The following WDPCP variants were observed in gnomAD, a reference collection of about 807,000 sequenced individuals.
The protein encoded by WDPCP is WD repeat-containing and planar cell polarity effector protein fritz homolog.
A neutral mutation model predicts 93.1 loss-of-function variants in WDPCP; 71 were observed. The observed-to-expected ratio is 0.76, with a 90% CI of 0.63 to 0.93. The LOEUF (loss-of-function observed/expected upper bound fraction) is 0.93. WDPCP is among the 40% of genes least tolerant of loss of function. WDPCP has a pLI of 0.00. For synonymous variants in WDPCP, 315 were observed against 315.0 expected, an observed-to-expected ratio of 1.00 and a Z score of 0.00; for missense variants, 844 against 887.4, an observed-to-expected ratio of 0.95 and a Z score of 0.62.
intron 2 of WDPCP, among the ~76,000 whole-genome samples, chr2:63,781,356 T>A (rs2103974104): frequency 6.6e-6 from 1 of 152,264 alleles, no homozygotes; most frequent in East Asian, 1.9e-4. Flanking sequence ...GTACCAGAAA[T>A]GTTGAATGGG....
At chr2:63,225,037 G>T (rs1678165698) in intron 14 of WDPCP, among the ~76,000 whole-genome samples, 2 of 149,976 alleles carry the variant, frequency 1.3e-5, no homozygotes, top group South Asian at 4.2e-4. Flanking sequence ...GCTTAATTTT[G>T]CTGTGAACCT....
intron 15 of WDPCP, among the ~76,000 whole-genome samples, chr2:63,163,826 T>G (rs904176319): frequency 6.6e-6 from 1 of 152,202 alleles, no homozygotes; most frequent in African/African-American, 2.4e-5. Flanking sequence ...TCCATTATAT[T>G]GTTTATAGGC....
At chr2:63,264,747 T>A (rs539554294) in intron 13 of WDPCP, among the ~76,000 whole-genome samples, 3 of 152,162 alleles carry the variant, frequency 2.0e-5, no homozygotes, top group Non-Finnish European at 4.4e-5. Context: ...TTTTACAGCA[T>A]CAGCATCCAA....
At chr2:63,678,959 G>A (rs1710457304) in intron 2 of WDPCP, among the ~76,000 whole-genome samples, 1 of 152,234 alleles carries the variant, frequency 6.6e-6, no homozygotes, top group African/African-American at 2.4e-5. Flanking sequence ...TGGCAGAAAT[G>A]ACATCTCTGG....
At chr2:63,694,528 T>A (rs1668937222) in intron 2 of WDPCP, among the ~76,000 whole-genome samples, 2 of 152,128 alleles carry the variant, frequency 1.3e-5, no homozygotes, top group South Asian at 4.1e-4. Flanking sequence ...AGTCACAATT[T>A]AGGAGCCTTT....
rs1025882896 is a variant in WDPCP at position 63,572,640 on chromosome 2, T to C, written c.75+15557A>G. On this transcript the variant is annotated intron_variant, in intron 1 of 17. Transcript: ENST00000272321. ...ATCGCTTGAACCTGGGAGGTGGAGG[T>C]TGCAGTGAGCCCAGATTGCACCACT... Among the ~76,000 whole-genome samples, 7 of 124,098 alleles carry C rather than the reference T, an allele frequency of 5.6e-5. No homozygotes were observed. In the Admixed American group the frequency reaches 7.3e-4, roughly 13 times the overall value. 81.4% of individuals were successfully genotyped at this position (124,098 alleles called of 152,430 possible).
intron 3 of WDPCP, among the ~76,000 whole-genome samples, chr2:63,614,000 C>A (rs1709646425): frequency 1.3e-5 from 2 of 152,156 alleles, no homozygotes; most frequent in African/African-American, 2.4e-5. Flanking sequence ...AGAGCAGCTC[C>A]AAGAGATTAC....
chr2:63,263,815 T>G (rs1363601792), intron 13 of WDPCP, among the ~76,000 whole-genome samples: 1 of 152,214 alleles, frequency 6.6e-6, no homozygotes, highest in Non-Finnish European at 1.5e-5. Flanking sequence ...CTAAATATAC[T>G]GAAGAAATTG....
chr2:63,839,073 G>T, the WDPCP span, among the ~76,000 whole-genome samples: 2 of 152,104 alleles, frequency 1.3e-5, no homozygotes, highest in Non-Finnish European at 2.9e-5. Context: ...TTACTTTTTG[G>T]AGAGTTCTTG....
intron 13 of WDPCP, among the ~76,000 whole-genome samples, chr2:63,275,642 T>C (rs997723078): frequency 6.6e-6 from 1 of 151,888 alleles, no homozygotes; most frequent in South Asian, 2.1e-4. Flanking sequence ...CCATTTGCAA[T>C]GGCCACAAAA....
intron 8 of WDPCP, among the ~76,000 whole-genome samples, chr2:63,435,448 A>G (rs1439628740): frequency 2.0e-5 from 3 of 152,142 alleles, no homozygotes; most frequent in Non-Finnish European, 4.4e-5. Context: ...AAGTCTTCTT[A>G]TTTGAGAGAA....
At chr2:63,678,549 T>C (rs1710452226) in intron 2 of WDPCP, among the ~76,000 whole-genome samples, 1 of 152,214 alleles carries the variant, frequency 6.6e-6, no homozygotes, top group Non-Finnish European at 1.5e-5. Flanking sequence ...ACTAGCTCAC[T>C]AAACATTGAC....
At chr2:63,160,453 T>A (rs1672566388) in intron 15 of WDPCP, among the ~76,000 whole-genome samples, 1 of 152,212 alleles carries the variant, frequency 6.6e-6, no homozygotes. Flanking sequence ...ATTTACAAAT[T>A]TGACTATCAC....
chr2:63,424,867 A>C (rs1233112824), intron 9 of WDPCP, among the ~76,000 whole-genome samples: 2 of 152,116 alleles, frequency 1.3e-5, no homozygotes, highest in African/African-American at 4.8e-5. Context: ...GCGCGGTGCG[A>C]GTGATCGGAG....
At chr2:63,399,145 T>G (rs1693962055) in intron 10 of WDPCP, among the ~76,000 whole-genome samples, 1 of 152,178 alleles carries the variant, frequency 6.6e-6, no homozygotes. Context: ...CTGTACAGTT[T>G]CCCTATTCTA....
chr2:63,385,147 C>G (rs556782630), intron 10 of WDPCP, among the ~76,000 whole-genome samples: 6 of 152,002 alleles, frequency 3.9e-5, no homozygotes, highest in Middle Eastern at 3.2e-3. Flanking sequence ...TCTCAGCAGA[C>G]TAGGAATGGA....
intron 14 of WDPCP, among the ~76,000 whole-genome samples, chr2:63,216,711 T>TAA (rs201690903): frequency 6.9e-6 from 1 of 145,744 alleles, no homozygotes; most frequent in Non-Finnish European, 1.5e-5. Flanking sequence ...TAAAGTTTAA[T>TAA]AAAAAAAAAA....
intron 2 of WDPCP, among the ~76,000 whole-genome samples, chr2:63,737,591 T>C (rs1262970715): frequency 6.6e-6 from 1 of 152,182 alleles, no homozygotes; most frequent in Admixed American, 6.5e-5. Context: ...TTCCTTCCAC[T>C]GGGATGAGTT....
intron 12 of WDPCP, among the ~76,000 whole-genome samples, chr2:63,314,171 C>G (rs142032841): frequency 0.013 from 1,163 of 88,716 alleles, 15 homozygotes; most frequent in African/African-American, 0.061. Context: ...GCCACTGTGC[C>G]TGGCCCCATC....
Sources: allele counts gnomAD v4.1 joint callset (sites outside exome capture counted in the v4.1 genomes callset), GRCh38; gene constraint gnomAD v4.1.1; transcripts MANE v1.5; gene names NCBI Gene and HGNC (gene_info 2026-07-23, HGNC 2026-07-21).